HS3ST4: variants seen among roughly 807,000 people sequenced by gnomAD.
HS3ST4 encodes the protein heparan sulfate-glucosamine 3-sulfotransferase 4, also known as heparan sulfate glucosamine 3-O-sulfotransferase 4.
HS3ST4 carries 17 observed loss-of-function variants against 29.2 expected under a neutral mutation model. That is an observed-to-expected ratio of 0.58 (90% CI 0.40 to 0.87). The LOEUF (loss-of-function observed/expected upper bound fraction) is 0.87, where lower values mean the gene tolerates loss of function less well. HS3ST4 is among the 40% of genes least tolerant of loss of function. The pLI is 0.00. For synonymous variants in HS3ST4, 314 were observed against 285.7 expected, an observed-to-expected ratio of 1.10 and a Z score of -1.00; for missense variants, 627 against 634.5, an observed-to-expected ratio of 0.99 and a Z score of 0.13.
intron 1 of HS3ST4, among the ~76,000 whole-genome samples, chr16:25,926,098 A>C (rs1180232691): frequency 2.6e-5 from 4 of 152,232 alleles, no homozygotes; most frequent in Non-Finnish European, 5.9e-5. Flanking sequence ...ACTTTACTAC[A>C]TTAAATGTAC....
intron 1 of HS3ST4, among the ~76,000 whole-genome samples, chr16:25,919,304 A>G (rs1310251518): frequency 1.3e-5 from 2 of 152,144 alleles, no homozygotes; most frequent in Non-Finnish European, 2.9e-5. Context: ...TGTTGGGATT[A>G]CAGGTGAGAG....
At chr16:25,914,316 T>C (rs562714786) in intron 1 of HS3ST4, among the ~76,000 whole-genome samples, 9 of 148,882 alleles carry the variant, frequency 6.0e-5, no homozygotes, top group South Asian at 4.3e-4. Context: ...TATGTGTGTA[T>C]AGGGGTATAT....
At chr16:25,703,174 C>CA (rs200629162) in intron 1 of HS3ST4, among the ~76,000 whole-genome samples, 161 of 149,644 alleles carry the variant, frequency 1.1e-3, no homozygotes, top group Admixed American at 4.0e-3. Flanking sequence ...AACAAACAAA[C>CA]AAAAAAAAAG....
intron 1 of HS3ST4, among the ~76,000 whole-genome samples, chr16:26,110,849 C>T (rs1415692672): frequency 6.6e-6 from 1 of 152,048 alleles, no homozygotes; most frequent in East Asian, 1.9e-4. Context: ...CCAGCTACAC[C>T]GGCCTCCTTC....
intron 1 of HS3ST4, among the ~76,000 whole-genome samples, chr16:26,072,967 T>C (rs1898618643): frequency 6.6e-6 from 1 of 152,208 alleles, no homozygotes; most frequent in Non-Finnish European, 1.5e-5. Flanking sequence ...AAGTAAAGCA[T>C]CCTTTAAAAA....
chr16:26,032,594 C>G, intron 1 of HS3ST4: 1 of 1,381,794 alleles, frequency 7.2e-7, no homozygotes. Flanking sequence ...TTTGGCATCT[C>G]CATTTTCTGC....
chr16:25,850,998 G>T (rs763762037), intron 1 of HS3ST4, among the ~76,000 whole-genome samples: 12 of 152,196 alleles, frequency 7.9e-5, no homozygotes, highest in Admixed American at 2.0e-4. Flanking sequence ...TTTACTTCCA[G>T]AGTTTAGTGG....
chr16:25,862,461 G>A (rs1467793026), intron 1 of HS3ST4, among the ~76,000 whole-genome samples: 2 of 152,146 alleles, frequency 1.3e-5, no homozygotes, highest in African/African-American at 4.8e-5. Context: ...CCAAAGTGTT[G>A]GGATTACAGG....
At chr16:25,867,142 A>G (rs931543823) in intron 1 of HS3ST4, among the ~76,000 whole-genome samples, 5 of 152,158 alleles carry the variant, frequency 3.3e-5, no homozygotes, top group African/African-American at 7.2e-5. Context: ...TTAAAATCCT[A>G]TCGTCTATTG....
intron 1 of HS3ST4, among the ~76,000 whole-genome samples, chr16:25,956,144 A>G (rs1278433629): frequency 6.6e-6 from 1 of 152,106 alleles, no homozygotes. Flanking sequence ...GTATGTAGAG[A>G]AAAGAGTGAC....
intron 1 of HS3ST4, among the ~76,000 whole-genome samples, chr16:26,083,670 T>C (rs2141784303): frequency 6.6e-6 from 1 of 152,344 alleles, no homozygotes; most frequent in South Asian, 2.1e-4. Flanking sequence ...ATGGACAATG[T>C]TTGGCTGGTC....
At chr16:25,696,106 C>T (rs1469885148) in intron 1 of HS3ST4, among the ~76,000 whole-genome samples, 2 of 152,116 alleles carry the variant, frequency 1.3e-5, no homozygotes, top group African/African-American at 4.8e-5. Context: ...ATTTTCAGGG[C>T]AAGATAGACT....
intron 1 of HS3ST4, among the ~76,000 whole-genome samples, chr16:25,778,227 G>C (rs1179741241): frequency 6.6e-6 from 1 of 152,138 alleles, no homozygotes; most frequent in African/African-American, 2.4e-5. Flanking sequence ...CTAAGACCTA[G>C]TTGGCCTCAC....
At chr16:25,810,911 GA>G (rs936924602) in intron 1 of HS3ST4, among the ~76,000 whole-genome samples, 50 of 151,916 alleles carry the variant, frequency 3.3e-4, no homozygotes, top group African/African-American at 1.1e-3. Context: ...AAACTCAGGA[GA>G]AAAAAAATGG....
chr16:25,983,574 C>T (rs1191378530), intron 1 of HS3ST4, among the ~76,000 whole-genome samples: 1 of 152,212 alleles, frequency 6.6e-6, no homozygotes, highest in Non-Finnish European at 1.5e-5. Context: ...TTTCTGGCCA[C>T]ACTTACCTCT....
intron 1 of HS3ST4, among the ~76,000 whole-genome samples, chr16:25,902,978 G>A (rs1001223498): frequency 6.7e-6 from 1 of 149,126 alleles, no homozygotes; most frequent in African/African-American, 2.5e-5. Context: ...ATGAGATTGT[G>A]TCACTGCACT....
chr16:26,000,350 C>T (rs144174465), intron 1 of HS3ST4, among the ~76,000 whole-genome samples: 5 of 152,146 alleles, frequency 3.3e-5, no homozygotes, highest in African/African-American at 1.2e-4. Context: ...GACAAAATGC[C>T]CTTCCTCCAC....
intron 1 of HS3ST4, among the ~76,000 whole-genome samples, chr16:25,985,345 G>A (rs1969050765): frequency 6.6e-6 from 1 of 152,146 alleles, no homozygotes; most frequent in African/African-American, 2.4e-5. Flanking sequence ...AGAATGAGAG[G>A]CAATTTGGGC....
chr16:25,890,288 A>G (rs1967994709), intron 1 of HS3ST4, among the ~76,000 whole-genome samples: 1 of 152,164 alleles, frequency 6.6e-6, no homozygotes, highest in African/African-American at 2.4e-5. Flanking sequence ...CTTAGCCACC[A>G]CTATGTATTT....
Sources: gnomAD v4.1 joint callset for allele counts (sites outside exome capture counted in the v4.1 genomes callset) on GRCh38, gnomAD v4.1.1 for gene constraint, MANE v1.5 for transcripts, NCBI Gene and HGNC (gene_info 2026-07-23, HGNC 2026-07-21) for gene names.